AP2B1: variants seen among roughly 807,000 people sequenced by gnomAD.
AP2B1 encodes adaptor related protein complex 2 subunit beta 1.
In AP2B1, 23 loss-of-function variants were observed where a neutral mutation model predicts 102.0. The ratio of observed to expected loss-of-function variants is 0.23; its 90% CI spans 0.16 to 0.32. The LOEUF (loss-of-function observed/expected upper bound fraction) is 0.32. Ranked by LOEUF, AP2B1 falls within the 10% of genes least tolerant of loss-of-function variation. The probability of loss-of-function intolerance (pLI) is 1.00; values close to 1 mark genes in which losing one functional copy is unlikely to be tolerated. For missense variants in AP2B1, 541 were observed against 1,157.4 expected, an observed-to-expected ratio of 0.47 and a Z score of 7.73; for synonymous variants, 381 against 421.2, an observed-to-expected ratio of 0.90 and a Z score of 1.17.
rs1555595158 is a variant in AP2B1 at position 35,725,872 on chromosome 17, G to A, written c.*2173G>A. 1 of 152,236 alleles carries A rather than the reference G, an allele frequency of 6.6e-6. No homozygotes were observed. The highest frequency in any genetic ancestry group is 2.4e-5 in the African/African-American group (1 of 41,428). 9.4% of individuals were successfully genotyped at this position (152,236 alleles called of 1,614,324 possible). A position where few individuals can be genotyped will look rare whatever the true frequency, so the allele number is the denominator to read the frequency against. On this transcript the variant is annotated 3_prime_UTR_variant, in exon 22 of 22. Transcript: ENST00000610402. ...GGCTTCTCTCAGCCTCCCCACCAGTGATGGATAACAGCTCCTATTCTCAGC... is the reference window on the plus strand; with the variant it reads ...GGCTTCTCTCAGCCTCCCCACCAGTAATGGATAACAGCTCCTATTCTCAGC...
chr17:35,587,730 G>C (rs1053016282), intron 1 of AP2B1: 2 of 152,264 alleles, frequency 1.3e-5, no homozygotes, highest in East Asian at 3.9e-4. Flanking sequence ...GAGGCCAGGG[G>C]TGTGGCTGAT....
At chr17:35,590,167 G>A (rs544517982) in intron 1 of AP2B1, among the ~76,000 whole-genome samples, 254 of 151,982 alleles carry the variant, frequency 1.7e-3, no homozygotes, top group Admixed American at 2.8e-3. Flanking sequence ...CTTGTGATCC[G>A]CCCGCCTCCC....
rs1176647051 is a variant in AP2B1 at position 35,639,576 on chromosome 17, G to T, written c.1272-19G>T. On this transcript the variant is annotated intron_variant, in intron 10 of 21. Transcript: ENST00000610402. Reference sequence around the variant, plus strand: ...CTTAGTTTTGCCCTCAATAACCATAGTTCATTTTTTTTCATCAGGTATGAA... The same window carrying T: ...CTTAGTTTTGCCCTCAATAACCATATTTCATTTTTTTTCATCAGGTATGAA... 6.3e-7 allele frequency: 1 copy of T among 1,596,444 alleles called. No individual in the cohort carries two copies. The highest frequency in any genetic ancestry group is 8.5e-7 in the Non-Finnish European group (1 of 1,173,428).
intron 13 of AP2B1, among the ~76,000 whole-genome samples, chr17:35,653,547 C>T (rs2011528): frequency 0.85 from 130,081 of 152,220 alleles, 55,799 homozygotes; most frequent in East Asian, 0.97. Context: ...AATCTTGGCT[C>T]ACTGCAACCT....
At chr17:35,718,237 G>A (rs1216369248) in intron 21 of AP2B1, among the ~76,000 whole-genome samples, 1 of 151,734 alleles carries the variant, frequency 6.6e-6, no homozygotes, top group Non-Finnish European at 1.5e-5. Flanking sequence ...TATATCAAGG[G>A]AATAGTACCA....
chr17:35,604,552 G>A (rs1046979974), intron 3 of AP2B1, among the ~76,000 whole-genome samples: 42 of 131,714 alleles, frequency 3.2e-4, no homozygotes, highest in Non-Finnish European at 5.3e-4. Flanking sequence ...GAGGTCAGGA[G>A]TTCGGGACTA....
At chr17:35,638,690 G>A (rs1479338904) in intron 10 of AP2B1, among the ~76,000 whole-genome samples, 1 of 151,614 alleles carries the variant, frequency 6.6e-6, no homozygotes, top group Non-Finnish European at 1.5e-5. Context: ...TCGGGAGGCT[G>A]AGGCAGGAGA....
intron 18 of AP2B1, among the ~76,000 whole-genome samples, chr17:35,698,086 A>T (rs2076174741): frequency 6.6e-6 from 1 of 152,248 alleles, no homozygotes; most frequent in Non-Finnish European, 1.5e-5. Flanking sequence ...AAAGTTTTTA[A>T]AAAAGGGTAG....
intron 14 of AP2B1, among the ~76,000 whole-genome samples, chr17:35,666,651 C>T (rs2075471904): frequency 6.6e-6 from 1 of 152,134 alleles, no homozygotes; most frequent in Non-Finnish European, 1.5e-5. Flanking sequence ...ACACTTAAAA[C>T]ACAGTATCTA....
chr17:35,699,514 G>A (rs761768788), intron 18 of AP2B1, among the ~76,000 whole-genome samples: 86 of 152,300 alleles, frequency 5.6e-4, no homozygotes, highest in Non-Finnish European at 9.8e-4. Context: ...CTATTGGGTG[G>A]ACTGAGAAAG....
At chr17:35,688,236 G>C (rs746363057) in intron 18 of AP2B1, among the ~76,000 whole-genome samples, 3 of 152,126 alleles carry the variant, frequency 2.0e-5, no homozygotes, top group Non-Finnish European at 4.4e-5. Flanking sequence ...CCTGAGAATA[G>C]GTATGTAGAC....
At chr17:35,698,025 AAAC>A (rs2143001616) in intron 18 of AP2B1, among the ~76,000 whole-genome samples, 1 of 152,370 alleles carries the variant, frequency 6.6e-6, no homozygotes, top group African/African-American at 2.4e-5. Context: ...ACTTTTAAGA[AAAC>A]AATTTTTTCA....
chr17:35,602,832 A>G (rs754065914), intron 3 of AP2B1, among the ~76,000 whole-genome samples: 5 of 152,158 alleles, frequency 3.3e-5, no homozygotes, highest in East Asian at 1.9e-4. Flanking sequence ...ATCTTTGGCT[A>G]TTAAGTCTTC....
At chr17:35,663,128 C>G (rs2075393605) in intron 14 of AP2B1, among the ~76,000 whole-genome samples, 1 of 152,126 alleles carries the variant, frequency 6.6e-6, no homozygotes. Flanking sequence ...CTTTATTTTT[C>G]TTCCTTTGGA....
intron 13 of AP2B1, 129 bp downstream of exon 13, chr17:35,650,918 G>T: frequency 9.4e-7 from 1 of 1,066,116 alleles, no homozygotes; most frequent in Non-Finnish European, 1.4e-6. Context: ...TTATAGTCTG[G>T]AAAAGAACTG....
At position 35,682,752 on chromosome 17, in the gene AP2B1, G is replaced by A. The variant is rs1045684424; in HGVS notation, c.2382G>A (p.Gln794=). ...LAIHTPLMPN[Q]SIDVSLPLNT... The stretch of plus-strand genomic sequence containing the variant: ...TCCATACACCACTGATGCCAAACCA[G>A]AGCATTGATGTCTCCCTGCCTCTCA... The change falls in exon 18 of 22, where the codon CAG becomes CAA. Residue 794 remains glutamine (Q), a synonymous_variant. Transcript: ENST00000610402. 3.1e-6 allele frequency: 5 copies of A among 1,612,918 alleles called. No homozygotes were observed. In the Admixed American group the frequency reaches 8.3e-5, roughly 27 times the overall value.
At chr17:35,660,230 C>T (rs1016444820) in intron 14 of AP2B1, 7 of 271,038 alleles carry the variant, frequency 2.6e-5, no homozygotes, top group African/African-American at 1.6e-4. Flanking sequence ...ATCCCCCTGC[C>T]TTGGCCTCTG....
intron 12 of AP2B1, among the ~76,000 whole-genome samples, chr17:35,648,823 G>A (rs896708967): frequency 6.6e-6 from 1 of 151,506 alleles, no homozygotes; most frequent in Non-Finnish European, 1.5e-5. Context: ...GCTATTTGGG[G>A]GATTGGGAGT....
intron 9 of AP2B1, among the ~76,000 whole-genome samples, chr17:35,635,897 C>T (rs2074595006): frequency 6.6e-6 from 1 of 151,946 alleles, no homozygotes. Flanking sequence ...CCATGTTAGT[C>T]AGGCTGGTCG....
Sources: allele counts gnomAD v4.1 joint callset (sites outside exome capture counted in the v4.1 genomes callset), GRCh38; gene constraint gnomAD v4.1.1; transcripts MANE v1.5; gene names NCBI Gene and HGNC (gene_info 2026-07-23, HGNC 2026-07-21).